NBPF20: variants seen among roughly 807,000 people sequenced by gnomAD.
NBPF20 encodes NBPF member 20.
Under a neutral mutation model 68.1 loss-of-function variants are expected in NBPF20, and 90 were observed. That is an observed-to-expected ratio of 1.32 (90% CI 1.11 to 1.58). The LOEUF is 1.58. NBPF20 is among the 40% of genes most tolerant of loss of function. The pLI is 0.00. For synonymous variants in NBPF20, 290 were observed against 228.1 expected (o/e 1.27, Z -2.45); for missense variants, 816 against 601.2 (o/e 1.36, Z -3.74).
At chr1:145,415,109 TGGAGA>T in the NBPF20 span, among the ~76,000 whole-genome samples, 4 of 151,850 alleles carry the variant, frequency 2.6e-5, no homozygotes, top group Admixed American at 6.6e-5. Context: ...AGGATAATAG[TGGAGA>T]GAAGATCAGC....
At chr1:145,412,454 C>T in the NBPF20 span, among the ~76,000 whole-genome samples, 4 of 151,944 alleles carry the variant, frequency 2.6e-5, no homozygotes, top group Admixed American at 6.6e-5. Flanking sequence ...GGGGACACAA[C>T]AAATTTGCAT....
At chr1:145,402,989 ATTAC>A (rs1200930071) in intron 3 of NBPF20, among the ~76,000 whole-genome samples, 4 of 151,794 alleles carry the variant, frequency 2.6e-5, no homozygotes, top group African/African-American at 9.7e-5. Context: ...CACATCAACA[ATTAC>A]TTGTTTGAAA....
intron 6 of NBPF20, among the ~76,000 whole-genome samples, 172 bp from the exon 12 acceptor site, chr1:145,399,272 CCTG>C: frequency 6.6e-6 from 1 of 152,130 alleles, no homozygotes; most frequent in Non-Finnish European, 1.5e-5. Flanking sequence ...ATTAGATAAC[CCTG>C]CTTTCCAGAC....
At chr1:145,416,068 T>C in the NBPF20 span, among the ~76,000 whole-genome samples, 4 of 150,860 alleles carry the variant, frequency 2.7e-5, no homozygotes, top group East Asian at 1.9e-4. Context: ...GAGGTGGAGG[T>C]TGCAGTGAGC....
chr1:145,425,293 C>T, the NBPF20 span, among the ~76,000 whole-genome samples: 2 of 151,492 alleles, frequency 1.3e-5, no homozygotes, highest in South Asian at 4.2e-4. Context: ...CAGCTCGACC[C>T]AGCTGTGTAC....
At chr1:145,400,898 T>A (rs1194461473) in intron 5 of NBPF20, among the ~76,000 whole-genome samples, 161 bp downstream of exon 10, 2 of 151,860 alleles carry the variant, frequency 1.3e-5, no homozygotes, top group African/African-American at 4.9e-5. Context: ...CAGAGAAACA[T>A]GACAGCTGCC....
At chr1:145,402,706 A>G (rs1454598461) in intron 3 of NBPF20, among the ~76,000 whole-genome samples, 1 of 149,898 alleles carries the variant, frequency 6.7e-6, no homozygotes, top group African/African-American at 2.5e-5. Context: ...TCCATGTGAA[A>G]ATACACATAG....
chr1:145,394,994 C>T (rs1406402406), exon 8 of NBPF20: 4 of 1,611,942 alleles, frequency 2.5e-6, no homozygotes, highest in Non-Finnish European at 2.5e-6. Context: ...TGTCAACAGC[C>T]ATGCAGACTT....
At chr1:145,394,520 C>A (rs1662118643) in intron 8 of NBPF20, among the ~76,000 whole-genome samples, 1 of 152,058 alleles carries the variant, frequency 6.6e-6, no homozygotes, top group East Asian at 1.9e-4. Context: ...TTCAGTGAAA[C>A]CTGGGTCACA....
At chr1:145,400,328 T>C (rs1174268228) in intron 6 of NBPF20, 61 bp downstream of exon 11, 28 of 1,606,750 alleles carry the variant, frequency 1.7e-5, no homozygotes, top group Non-Finnish European at 2.1e-5. Flanking sequence ...AGAGCCTGTC[T>C]TCAGAGTTTA....
At chr1:145,390,336 A>ACG (rs1661943396) in intron 13 of NBPF20, among the ~76,000 whole-genome samples, 1 of 64,748 alleles carries the variant, frequency 1.5e-5, no homozygotes, top group African/African-American at 1.0e-4. Flanking sequence ...ACACACACAC[A>ACG]CACACACAGA....
At chr1:145,402,317 C>G in exon 4 of NBPF20, 3 of 1,610,228 alleles carry the variant, frequency 1.9e-6, no homozygotes, top group Non-Finnish European at 2.5e-6. Flanking sequence ...TCTCTCCCTT[C>G]CCGCAACTTC....
chr1:145,393,876 A>T lies in NBPF20; in HGVS notation c.1043+8T>A, dbSNP rs1662071655. On this transcript the variant is annotated splice_region_variant and intron_variant, in intron 9 of 137. Transcript: ENST00000369373. ...TCAAATTAACTCTCCACAATTTCTC[A>T]GACTCACCTGGGACCTGTTGCCTCT... 6.5e-6 allele frequency: 10 copies of T among 1,545,934 alleles called. No individual in the cohort carries two copies. Among genetic ancestry groups the T allele is most frequent in the Non-Finnish European group, 8.0e-6 (9 of 1,130,992 alleles).
chr1:145,291,852 G>C (rs1352917751), intron 137 of NBPF20, 83 bp from the exon 143 acceptor site: 1 of 1,608,040 alleles, frequency 6.2e-7, no homozygotes, highest in Non-Finnish European at 8.5e-7. Flanking sequence ...AGTCACATAA[G>C]GAAGTGGTTA....
At chr1:145,295,373 G>C in intron 133 of NBPF20, 194 bp downstream of exon 138, 1 of 181,752 alleles carries the variant, frequency 5.5e-6, no homozygotes, top group Non-Finnish European at 9.2e-6. Flanking sequence ...TCAACCTATA[G>C]TAAGTTAGTA....
chr1:145,397,935 C>T (rs1264339796), intron 7 of NBPF20, among the ~76,000 whole-genome samples: 2 of 152,040 alleles, frequency 1.3e-5, no homozygotes, highest in Admixed American at 6.6e-5. Context: ...GGTTGCAATC[C>T]TAGTCTCTGA....
rs1461469435 is a variant in NBPF20 at position 145,405,563 on chromosome 1, G to A, written c.-189C>T. The A allele has an allele frequency of 2.8e-5, 27 of 964,628 alleles. No individual in the cohort carries two copies. The East Asian group carries it at 3.9e-4, about 14-fold the overall frequency. The allele number at this position is 964,628 out of a possible 1,614,324, so 59.8% of individuals were successfully genotyped here. On this transcript the variant is annotated 5_prime_UTR_variant, in exon 1 of 138. In the 5' UTR this introduces an upstream ATG that the reference lacks. Transcript: ENST00000369373. ...ATTGTGGCCAGCGTGCCAGGTAACC[G>A]TCTGCAGTTGCAATAACAGAATTAG... is the stretch of plus-strand genomic sequence containing the variant.
chr1:145,394,851 T>C (rs1662144885), intron 8 of NBPF20, 127 bp downstream of exon 13: 13 of 1,571,218 alleles, frequency 8.3e-6, no homozygotes, highest in South Asian at 3.3e-5. Flanking sequence ...GAAATCTACA[T>C]TGATATATAG....
intron 8 of NBPF20, among the ~76,000 whole-genome samples, chr1:145,394,626 T>A (rs1436030334): frequency 6.6e-6 from 1 of 152,008 alleles, no homozygotes; most frequent in Non-Finnish European, 1.5e-5. Flanking sequence ...AGGAATTTTG[T>A]AGCTGGCAAG....
Sources: gnomAD v4.1 joint callset for allele counts (sites outside exome capture counted in the v4.1 genomes callset) on GRCh38, gnomAD v4.1.1 for gene constraint, MANE v1.5 for transcripts, NCBI Gene and HGNC (gene_info 2026-07-23, HGNC 2026-07-21) for gene names.